LPA: variants seen among roughly 807,000 people sequenced by gnomAD.
The protein encoded by LPA is apolipoprotein(a).
LPA carries 199 observed loss-of-function variants against 197.9 expected under a neutral mutation model. That is an observed-to-expected ratio of 1.01 (90% CI 0.90 to 1.13). The LOEUF is 1.13. Ranked by LOEUF, LPA falls within the 50% of genes most tolerant of loss-of-function variation. LPA has a pLI of 0.00. For missense variants in LPA, 1,853 were observed against 1,785.8 expected (o/e 1.04, Z -0.68); for synonymous variants, 715 against 639.5 (o/e 1.12, Z -1.78).
At chr6:160,576,682 G>GTATATATA (rs1173432219) in intron 28 of LPA, among the ~76,000 whole-genome samples, 8 of 94,948 alleles carry the variant, frequency 8.4e-5, no homozygotes, top group African/African-American at 3.3e-4. Flanking sequence ...GTGTGTGTGT[G>GTATATATA]TGTGTGTGTA....
At chr6:160,611,151 C>G (rs1032294124) in intron 16 of LPA, among the ~76,000 whole-genome samples, 1 of 152,054 alleles carries the variant, frequency 6.6e-6, no homozygotes, top group Admixed American at 6.6e-5. Flanking sequence ...CATAAGTAAG[C>G]ACATAAACTT....
intron 36 of LPA, among the ~76,000 whole-genome samples, chr6:160,538,577 C>T (rs1777928132): frequency 6.6e-6 from 1 of 152,160 alleles, no homozygotes; most frequent in African/African-American, 2.4e-5. Context: ...AAGATTAGAA[C>T]TCTGGTTTTT....
chr6:160,578,118 G>T (rs1279499785), intron 27 of LPA, among the ~76,000 whole-genome samples: 1 of 152,156 alleles, frequency 6.6e-6, no homozygotes, highest in Non-Finnish European at 1.5e-5. Flanking sequence ...CAAAGGCCAT[G>T]TTCTTAAGAA....
At chr6:160,605,580 A>T (rs1292416237) in intron 17 of LPA, among the ~76,000 whole-genome samples, 1 of 152,208 alleles carries the variant, frequency 6.6e-6, no homozygotes, top group Non-Finnish European at 1.5e-5. Context: ...AGCAAACAGC[A>T]AAGCACGATG....
At chr6:160,648,669 T>C (rs921764457) in intron 2 of LPA, among the ~76,000 whole-genome samples, 4 of 152,162 alleles carry the variant, frequency 2.6e-5, no homozygotes, top group Non-Finnish European at 5.9e-5. Flanking sequence ...TTTCATTTGG[T>C]ATTTTCTTCT....
At chr6:160,641,192 T>A (rs1455877371) in intron 4 of LPA, among the ~76,000 whole-genome samples, 2 of 80,610 alleles carry the variant, frequency 2.5e-5, no homozygotes, top group Admixed American at 1.2e-4. Context: ...CTGGTATGGG[T>A]TTTGACGTCT....
At chr6:160,561,768 C>T (rs548626590) in intron 28 of LPA, among the ~76,000 whole-genome samples, 2 of 152,248 alleles carry the variant, frequency 1.3e-5, no homozygotes, top group South Asian at 4.1e-4. Context: ...TGTAGTTCTC[C>T]TTGAAGAGGT....
intron 37 of LPA, among the ~76,000 whole-genome samples, chr6:160,534,430 G>A (rs922887035): frequency 6.6e-6 from 1 of 152,152 alleles, no homozygotes; most frequent in African/African-American, 2.4e-5. Flanking sequence ...TGGGCCACAG[G>A]TAACCTGAGG....
chr6:160,553,957 G>GTGTGTGTGTC (rs1162532344), intron 30 of LPA, among the ~76,000 whole-genome samples: 27 of 148,940 alleles, frequency 1.8e-4, no homozygotes, highest in Non-Finnish European at 3.9e-4. Context: ...GTGTGTGTGC[G>GTGTGTGTGTC]CGCGCGCGCG....
At chr6:160,563,234 T>A (rs1778392613) in intron 28 of LPA, among the ~76,000 whole-genome samples, 1 of 152,216 alleles carries the variant, frequency 6.6e-6, no homozygotes, top group South Asian at 2.1e-4. Flanking sequence ...AAACATGGCT[T>A]TAGCTGTGTA....
chr6:160,534,133 G>T (rs956713154), intron 37 of LPA, among the ~76,000 whole-genome samples: 1 of 152,214 alleles, frequency 6.6e-6, no homozygotes, highest in East Asian at 1.9e-4. Flanking sequence ...GAGCAGCGTG[G>T]AAGAGTCTCT....
In LPA at chr6:160,547,857, C is replaced by G; in HGVS notation, c.5236G>C (p.Ala1746Pro). The stretch of plus-strand genomic sequence containing the variant: ...GTGCTGTGTCTATGGGGCTCCTGGG[C>G]AGCCCATTCCTGGCATGGCGTCCCA... ...VTGTPCQEWA[A>P]QEPHRHSTFI... The change falls in exon 32 of 39, where the codon GCC becomes CCC. Residue 1746 changes from alanine to proline, a missense_variant. Transcript: ENST00000316300. 6.2e-7 allele frequency: 1 copy of G among 1,614,112 alleles called. No homozygotes were observed. Among genetic ancestry groups the G allele is most frequent in the Non-Finnish European group, 8.5e-7 (1 of 1,179,996 alleles).
At chr6:160,587,783 G>C (rs1462375086) in intron 24 of LPA, among the ~76,000 whole-genome samples, 37 of 121,740 alleles carry the variant, frequency 3.0e-4, no homozygotes, top group East Asian at 1.4e-3. Flanking sequence ...GTGTGTGTGT[G>C]TGTGTGTGTG....
At chr6:160,557,122 G>A (rs1390742409) in intron 29 of LPA, among the ~76,000 whole-genome samples, 1 of 151,866 alleles carries the variant, frequency 6.6e-6, no homozygotes, top group African/African-American at 2.4e-5. Flanking sequence ...GTTAGAATTG[G>A]AATTTTGTCT....
intron 16 of LPA, 82 bp from the exon 17 acceptor site, chr6:160,606,740 C>G: frequency 6.4e-7 from 1 of 1,550,926 alleles, no homozygotes; most frequent in Non-Finnish European, 8.9e-7. Context: ...TGTGCTGCAA[C>G]AAGGTCATTA....
intron 30 of LPA, among the ~76,000 whole-genome samples, chr6:160,549,929 G>A (rs1778141198): frequency 6.6e-6 from 1 of 152,194 alleles, no homozygotes. Flanking sequence ...AATTGAGTAA[G>A]TGAGAGGCAC....
At position 160,540,058 on chromosome 6, in the gene LPA, A is replaced by G. The variant is rs1777956237; in HGVS notation, c.5720T>C (p.Leu1907Ser). Residue 1907 changes from leucine to serine, a missense_variant, in exon 36 of 39, where the codon TTG (leucine) becomes TCG (serine). Coordinates refer to ENST00000316300, the MANE Select transcript of LPA (RefSeq NM_005577.4). ...FLEPTQADIA[L>S]LKLSRPAVIT... The stretch of plus-strand genomic sequence containing the variant: ...GAGCGAGTACCTGCTTAGCTTTAGC[A>G]AGGCAATATCTGCTTGTGTGGGCTC... 1 of 1,614,152 alleles carries G rather than the reference A, an allele frequency of 6.2e-7. No individual in the cohort carries two copies. The highest frequency in any genetic ancestry group is 1.3e-5 in the African/African-American group (1 of 75,044).
chr6:160,653,961 A>ATATAT (rs1562354335), intron 1 of LPA, among the ~76,000 whole-genome samples: 1 of 29,004 alleles, frequency 3.4e-5, no homozygotes, highest in Non-Finnish European at 5.8e-5. Context: ...TATATATAAT[A>ATATAT]TATATTATAT....
chr6:160,604,078 AT>A (rs1399318674), intron 18 of LPA, among the ~76,000 whole-genome samples: 1 of 152,136 alleles, frequency 6.6e-6, no homozygotes, highest in Non-Finnish European at 1.5e-5. Context: ...ATGCAACGTC[AT>A]GTTTAGCCAA....
Sources: gnomAD v4.1 joint callset for allele counts (sites outside exome capture counted in the v4.1 genomes callset) on GRCh38, gnomAD v4.1.1 for gene constraint, MANE v1.5 for transcripts, NCBI Gene and HGNC (gene_info 2026-07-23, HGNC 2026-07-21) for gene names.